The following LRRC4C variants were observed in gnomAD, a reference collection of about 807,000 sequenced individuals.
The protein encoded by LRRC4C is leucine-rich repeat-containing protein 4C.
In LRRC4C, 5 loss-of-function variants were observed where a neutral mutation model predicts 33.6. That is an observed-to-expected ratio of 0.15 (90% CI 0.08 to 0.31). LRRC4C has a LOEUF of 0.31. Among genes scored for constraint, LRRC4C ranks in the 10% least tolerant of loss-of-function variants. The pLI is 1.00. For synonymous variants in LRRC4C, 329 were observed against 302.0 expected, an observed-to-expected ratio of 1.09 and a Z score of -0.93; for missense variants, 560 against 796.7, an observed-to-expected ratio of 0.70 and a Z score of 3.58.
chr11:40,636,639 A>G (rs1941766880), intron 3 of LRRC4C, among the ~76,000 whole-genome samples: 2 of 152,186 alleles, frequency 1.3e-5, no homozygotes, highest in South Asian at 4.1e-4. Context: ...TTTCTTGAAG[A>G]GGTGGCTACA....
rs1200925753 is a variant in LRRC4C at position 40,780,860 on chromosome 11, G to C, written c.-406-132582C>G. On this transcript the variant is annotated intron_variant, in intron 2 of 6. Coordinates refer to ENST00000528697, the MANE Select transcript of LRRC4C (RefSeq NM_001258419.2). ...AGGAGAATCTTATGCAGGTGAAGAG[G>C]TCTAGGGAGTGGAAAGGGAGGGAGG... Among the ~76,000 whole-genome samples the C allele has an allele frequency of 7.2e-5, 11 of 151,992 alleles. No homozygotes were observed. The East Asian group carries it at 2.1e-3, about 29-fold the overall frequency.
At chr11:40,128,523 G>T (rs1856421890) in intron 6 of LRRC4C, among the ~76,000 whole-genome samples, 1 of 152,058 alleles carries the variant, frequency 6.6e-6, no homozygotes, top group Non-Finnish European at 1.5e-5. Context: ...TATTTAGATT[G>T]AATTTTTAAA....
chr11:41,389,158 C>T (rs1450323144), intron 1 of LRRC4C, among the ~76,000 whole-genome samples: 1 of 151,638 alleles, frequency 6.6e-6, no homozygotes, highest in African/African-American at 2.4e-5. Flanking sequence ...CACCCACATA[C>T]TCTCATTTAG....
intron 6 of LRRC4C, among the ~76,000 whole-genome samples, chr11:40,121,943 C>T (rs1855856438): frequency 6.6e-6 from 1 of 152,118 alleles, no homozygotes; most frequent in Non-Finnish European, 1.5e-5. Flanking sequence ...GATTCCAAAC[C>T]ACACCTTACC....
At chr11:40,977,105 C>T (rs958377056) in intron 1 of LRRC4C, among the ~76,000 whole-genome samples, 1 of 152,040 alleles carries the variant, frequency 6.6e-6, no homozygotes, top group Non-Finnish European at 1.5e-5. Flanking sequence ...CTGATATGTG[C>T]ACTTTACAAT....
chr11:40,835,755 T>C (rs1306658091), intron 2 of LRRC4C, among the ~76,000 whole-genome samples: 1 of 152,166 alleles, frequency 6.6e-6, no homozygotes, highest in African/African-American at 2.4e-5. Context: ...CACCAAATAA[T>C]TTACTAACAT....
intron 1 of LRRC4C, among the ~76,000 whole-genome samples, chr11:41,052,403 C>T (rs994226443): frequency 3.3e-5 from 5 of 151,734 alleles, no homozygotes; most frequent in African/African-American, 1.2e-4. Flanking sequence ...CATAAGGCAA[C>T]TTGATGGCCA....
chr11:40,409,517 T>A (rs1209762329), intron 3 of LRRC4C, among the ~76,000 whole-genome samples: 1 of 151,796 alleles, frequency 6.6e-6, no homozygotes, highest in African/African-American at 2.4e-5. Flanking sequence ...GTCCAAAGAA[T>A]ATAAAAAAAC....
chr11:40,258,123 T>G (rs1455782416), intron 4 of LRRC4C, among the ~76,000 whole-genome samples: 1 of 152,168 alleles, frequency 6.6e-6, no homozygotes, highest in African/African-American at 2.4e-5. Flanking sequence ...TTCACCACGT[T>G]TCATAGTCTC....
At chr11:40,368,722 A>C (rs1463423565) in intron 3 of LRRC4C, among the ~76,000 whole-genome samples, 1 of 152,194 alleles carries the variant, frequency 6.6e-6, no homozygotes, top group Non-Finnish European at 1.5e-5. Flanking sequence ...CCATTCTGTA[A>C]GATGGTGTTT....
chr11:40,949,920 G>A (rs1958615627), intron 1 of LRRC4C, among the ~76,000 whole-genome samples: 1 of 152,066 alleles, frequency 6.6e-6, no homozygotes, highest in Non-Finnish European at 1.5e-5. Context: ...ACACAGACTG[G>A]CAAATTGGAT....
At chr11:40,644,287 G>C (rs189787980) in intron 3 of LRRC4C, among the ~76,000 whole-genome samples, 2 of 152,208 alleles carry the variant, frequency 1.3e-5, no homozygotes, top group African/African-American at 2.4e-5. Context: ...CTTTTGTTCT[G>C]TAAAAGGATT....
chr11:41,084,122 C>T (rs763682213), intron 1 of LRRC4C, among the ~76,000 whole-genome samples: 1 of 152,090 alleles, frequency 6.6e-6, no homozygotes, highest in Non-Finnish European at 1.5e-5. Flanking sequence ...AGAACATTGC[C>T]AGTGTATCTG....
chr11:40,282,796 C>T (rs1306536379), intron 4 of LRRC4C, among the ~76,000 whole-genome samples: 1 of 152,132 alleles, frequency 6.6e-6, no homozygotes, highest in Non-Finnish European at 1.5e-5. Flanking sequence ...GAGGAAATAA[C>T]CTTCTGTAGC....
At chr11:40,925,315 T>C (rs547488400) in intron 2 of LRRC4C, among the ~76,000 whole-genome samples, 1 of 152,316 alleles carries the variant, frequency 6.6e-6, no homozygotes, top group East Asian at 1.9e-4. Flanking sequence ...TGAGCAGATG[T>C]GTCACACATC....
At chr11:41,286,020 G>A (rs1226230614) in intron 1 of LRRC4C, among the ~76,000 whole-genome samples, 6 of 151,718 alleles carry the variant, frequency 4.0e-5, no homozygotes, top group East Asian at 1.9e-4. Flanking sequence ...TAGTAGAGAC[G>A]GGGTTTCACC....
intron 2 of LRRC4C, among the ~76,000 whole-genome samples, chr11:40,723,910 G>A (rs564654052): frequency 6.6e-6 from 1 of 152,032 alleles, no homozygotes; most frequent in Non-Finnish European, 1.5e-5. Flanking sequence ...AAGAGATGGA[G>A]AAATATCTAC....
chr11:40,378,744 T>C (rs1212201261), intron 3 of LRRC4C, among the ~76,000 whole-genome samples: 1 of 152,146 alleles, frequency 6.6e-6, no homozygotes, highest in Non-Finnish European at 1.5e-5. Context: ...ATTTCTTTAT[T>C]GTGAAAGCAC....
At chr11:40,863,892 T>A (rs906717333) in intron 2 of LRRC4C, among the ~76,000 whole-genome samples, 1 of 152,152 alleles carries the variant, frequency 6.6e-6, no homozygotes, top group Admixed American at 6.5e-5. Flanking sequence ...AAAGAAAATA[T>A]TCTTTACCAA....
Sources: gnomAD v4.1 joint callset for allele counts (sites outside exome capture counted in the v4.1 genomes callset) on GRCh38, gnomAD v4.1.1 for gene constraint, MANE v1.5 for transcripts, NCBI Gene and HGNC (gene_info 2026-07-23, HGNC 2026-07-21) for gene names.